Variants in HDAC9 observed in about 807,000 individuals in gnomAD.
The protein encoded by HDAC9 is histone deacetylase 9, also known as MEF-2 interacting transcription repressor (MITR) protein.
Under a neutral mutation model 139.4 loss-of-function variants are expected in HDAC9, and 41 were observed. The observed-to-expected ratio is 0.29, with a 90% CI of 0.23 to 0.38. The LOEUF (loss-of-function observed/expected upper bound fraction) is 0.38. HDAC9 is among the 10% of genes least tolerant of loss of function. The pLI, the probability that HDAC9 is intolerant of heterozygous loss-of-function variation, is 1.00. For missense variants in HDAC9, 1,147 were observed against 1,297.0 expected, an observed-to-expected ratio of 0.88 and a Z score of 1.78; for synonymous variants, 517 against 476.2, an observed-to-expected ratio of 1.09 and a Z score of -1.12.
rs1347762500 is a variant in HDAC9, at chr7:18,257,435, AC to A, written c.25+95087del. Reference sequence around the variant, plus strand: ...CACACACACACACACACACACACACACAAAAAGAAAAAAAGAAAAAGTAGCA... The same window carrying A: ...CACACACACACACACACACACACACAAAAAAGAAAAAAAGAAAAAGTAGCA... On this transcript the variant is annotated intron_variant, in intron 2 of 12. Transcript: ENST00000417496. Among the ~76,000 whole-genome samples the A allele has an allele frequency of 1.4e-3, 202 of 148,856 alleles. 1 individual carries two copies. The highest frequency in any genetic ancestry group is 2.9e-3 in the African/African-American group (117 of 39,946).
At chr7:18,445,512 G>A (rs749980439) in intron 1 of HDAC9, among the ~76,000 whole-genome samples, 3 of 152,174 alleles carry the variant, frequency 2.0e-5, no homozygotes, top group Non-Finnish European at 4.4e-5. Context: ...AGCGGCCTCT[G>A]TGATTGTTTC....
At chr7:18,483,121 T>C (rs1016601714) in intron 1 of HDAC9, among the ~76,000 whole-genome samples, 3 of 152,184 alleles carry the variant, frequency 2.0e-5, no homozygotes, top group African/African-American at 4.8e-5. Flanking sequence ...AGAAGAGAGA[T>C]GCAGAAAATA....
chr7:18,435,483 G>C (rs1042289777), intron 1 of HDAC9, among the ~76,000 whole-genome samples: 3 of 152,112 alleles, frequency 2.0e-5, no homozygotes, highest in African/African-American at 7.2e-5. Flanking sequence ...TACTATACTA[G>C]TAGCAAAACT....
At chr7:18,153,806 T>A (rs774676696) in intron 1 of HDAC9, among the ~76,000 whole-genome samples, 50 of 152,304 alleles carry the variant, frequency 3.3e-4, no homozygotes, top group Non-Finnish European at 3.2e-4. Context: ...CCTCACATCT[T>A]TGGGCAATGG....
intron 21 of HDAC9, among the ~76,000 whole-genome samples, chr7:18,872,761 C>T (rs1259781258): frequency 1.3e-5 from 2 of 151,858 alleles, no homozygotes; most frequent in Admixed American, 6.6e-5. Context: ...TAGAGAGAAG[C>T]CTTTATGGAG....
At chr7:18,476,914 C>G (rs147942577) in intron 1 of HDAC9, among the ~76,000 whole-genome samples, 8 of 152,148 alleles carry the variant, frequency 5.3e-5, no homozygotes, top group Admixed American at 2.6e-4. Flanking sequence ...AAGTTTGCCC[C>G]CTGGAGGTCT....
intron 2 of HDAC9, among the ~76,000 whole-genome samples, chr7:18,172,578 G>T (rs1256422739): frequency 6.6e-6 from 1 of 152,060 alleles, no homozygotes; most frequent in Non-Finnish European, 1.5e-5. Context: ...GCTTTCTTTT[G>T]TGGGCATTTA....
In HDAC9 at chr7:18,648,670, T is replaced by A. The variant is rs762622738; in HGVS notation, c.1454T>A (p.Ile485Asn). Residue 485 changes from isoleucine (I) to asparagine (N), a missense_variant, in exon 11 of 26, where the codon ATC becomes AAC. Ile to Asn is a moderately radical substitution (Grantham distance 149). This residue lies in a region of HDAC9 where 256 missense variants were observed against 219.2 expected (regional missense o/e 1.17). Coordinates refer to ENST00000686413, the MANE Select transcript of HDAC9 (RefSeq NM_178425.4). ...LEKQKQYQQQ[I>N]HMNKLLSKSI... ...AAGCAGAAGCAATACCAGCAGCAGA[T>A]CCACATGAACAAAGTAAGCCTCCAA... 2.5e-6 allele frequency: 4 copies of A among 1,611,928 alleles called. No homozygotes were observed. Among genetic ancestry groups the A allele is most frequent in the Non-Finnish European group, 3.4e-6 (4 of 1,178,880 alleles).
At chr7:18,252,769 T>C (rs139901393) in intron 2 of HDAC9, among the ~76,000 whole-genome samples, 1 of 152,282 alleles carries the variant, frequency 6.6e-6, no homozygotes, top group African/African-American at 2.4e-5. Flanking sequence ...TATTTGCTCA[T>C]GTTTATATTA....
chr7:18,756,775 A>C (rs1054014168), intron 14 of HDAC9, among the ~76,000 whole-genome samples: 2 of 152,198 alleles, frequency 1.3e-5, no homozygotes, highest in Non-Finnish European at 2.9e-5. Context: ...AAGGCTCCCA[A>C]CTTGCAATTC....
chr7:18,713,121 GAA>G (rs1784459507), intron 12 of HDAC9, among the ~76,000 whole-genome samples: 1 of 152,138 alleles, frequency 6.6e-6, no homozygotes, highest in South Asian at 2.1e-4. Context: ...TAGCAGAACA[GAA>G]AAGTCTATTT....
intron 1 of HDAC9, among the ~76,000 whole-genome samples, chr7:18,339,998 C>T (rs767823039): frequency 2.0e-5 from 3 of 151,372 alleles, no homozygotes; most frequent in Non-Finnish European, 4.4e-5. Context: ...ATTGAGATTT[C>T]CTACTATAAT....
intron 1 of HDAC9, chr7:18,429,205 C>T (rs1306483153): frequency 1.3e-5 from 2 of 152,158 alleles, no homozygotes; most frequent in South Asian, 2.1e-4. Flanking sequence ...GTATTCCTAG[C>T]GCCTAGACCA....
intron 22 of HDAC9, among the ~76,000 whole-genome samples, chr7:18,887,976 T>G (rs1239312147): frequency 1.3e-5 from 2 of 152,202 alleles, no homozygotes; most frequent in African/African-American, 2.4e-5. Context: ...TAGCCACCTT[T>G]ACCCAATATT....
chr7:18,627,783 C>G (rs1477154297), intron 6 of HDAC9, among the ~76,000 whole-genome samples: 1 of 152,150 alleles, frequency 6.6e-6, no homozygotes, highest in Non-Finnish European at 1.5e-5. Flanking sequence ...TGACACCCTA[C>G]TTTTACAGCA....
At chr7:18,459,737 A>G (rs1793668903) in intron 1 of HDAC9, among the ~76,000 whole-genome samples, 1 of 152,178 alleles carries the variant, frequency 6.6e-6, no homozygotes, top group African/African-American at 2.4e-5. Context: ...CCCTTGGGCT[A>G]CATCATATAA....
chr7:18,748,947 A>G, intron 13 of HDAC9, 58 bp from the exon 14 acceptor site: 1 of 1,496,550 alleles, frequency 6.7e-7, no homozygotes, highest in East Asian at 2.3e-5. Context: ...ATCTCCTAAC[A>G]TGTGTCATTA....
intron 21 of HDAC9, among the ~76,000 whole-genome samples, chr7:18,869,147 GGTGTGTGTGTGTGTGT>G (rs58034239): frequency 1.0e-4 from 14 of 138,224 alleles, no homozygotes; most frequent in East Asian, 2.1e-4. Flanking sequence ...TCACAATTGG[GGTGTGTGTGTGTGTGT>G]GTGTGTGTGT....
rs537557183 is a variant in HDAC9, at chr7:18,571,019, A to G, written c.23-14262A>G. 2.6e-5 allele frequency among the ~76,000 whole-genome samples: 4 copies of G among 152,362 alleles called. No individual in the cohort carries two copies. In the South Asian group the frequency reaches 8.3e-4, roughly 32 times the overall value. Reference sequence around the variant, plus strand: ...CACCTATTTTAAAACTCACATATCCAAAGTGCTTCCTGACAAAGGATACTG... The same window carrying G: ...CACCTATTTTAAAACTCACATATCCGAAGTGCTTCCTGACAAAGGATACTG... On this transcript the variant is annotated intron_variant, in intron 2 of 25. Coordinates refer to ENST00000686413, the MANE Select transcript of HDAC9 (RefSeq NM_178425.4).
Sources: gnomAD v4.1 joint callset for allele counts (sites outside exome capture counted in the v4.1 genomes callset) on GRCh38, gnomAD v4.1.1 for gene constraint, gnomAD v4.1.1 regional missense constraint, MANE v1.5 for transcripts, NCBI Gene and HGNC (gene_info 2026-07-23, HGNC 2026-07-21) for gene names.